Variants in RIMS2 observed in about 807,000 individuals in gnomAD.
The protein encoded by RIMS2 is regulating synaptic membrane exocytosis 2.
Under a neutral mutation model 174.4 loss-of-function variants are expected in RIMS2, and 59 were observed. The observed-to-expected ratio is 0.34, with a 90% confidence interval of 0.27 to 0.42. The LOEUF (loss-of-function observed/expected upper bound fraction) is 0.42, where lower values mean the gene tolerates loss of function less well. Ranked by LOEUF, RIMS2 falls within the 10% of genes least tolerant of loss-of-function variation. The pLI is 1.00. For missense variants in RIMS2, 1,620 were observed against 1,666.3 expected, an observed-to-expected ratio of 0.97 and a Z score of 0.48; for synonymous variants, 606 against 572.5, an observed-to-expected ratio of 1.06 and a Z score of -0.84.
intron 2 of RIMS2, among the ~76,000 whole-genome samples, chr8:103,744,284 T>A (rs2097787247): frequency 6.6e-6 from 1 of 152,096 alleles, no homozygotes; most frequent in Non-Finnish European, 1.5e-5. Context: ...GACCTTGCGA[T>A]CCACCCACCT....
At chr8:103,672,759 ATCCCTTGTCCC>A (rs2096760614) in intron 1 of RIMS2, among the ~76,000 whole-genome samples, 1 of 152,070 alleles carries the variant, frequency 6.6e-6, no homozygotes, top group African/African-American at 2.4e-5. Context: ...ATATCATTCC[ATCCCTTGTCCC>A]TCCCAAATCT....
chr8:103,808,001 C>T (rs1280384086), intron 3 of RIMS2, among the ~76,000 whole-genome samples: 2 of 151,920 alleles, frequency 1.3e-5, no homozygotes, highest in Admixed American at 1.3e-4. Context: ...ATTTGCTTAC[C>T]TTTCACCAAA....
chr8:103,957,809 T>A (rs1204831324), intron 14 of RIMS2, among the ~76,000 whole-genome samples: 21 of 152,160 alleles, frequency 1.4e-4, no homozygotes, highest in Admixed American at 6.5e-4. Context: ...ATAAGCTCAA[T>A]ATCACTAATC....
At chr8:103,602,009 C>A (rs1399532442) in intron 1 of RIMS2, among the ~76,000 whole-genome samples, 1 of 151,938 alleles carries the variant, frequency 6.6e-6, no homozygotes, top group Non-Finnish European at 1.5e-5. Flanking sequence ...TGGTGTCTCA[C>A]TCTTATTGCC....
chr8:103,986,873 C>CA lies in RIMS2; in HGVS notation c.2928-2421dup, dbSNP rs915445971. ...GGGCAAGAAGAGTGAAACTCCGTCTCAAAAAAAAAAACAGTAAAATAAAAT... is the reference window on the plus strand; with the variant it reads ...GGGCAAGAAGAGTGAAACTCCGTCTCAAAAAAAAAAAACAGTAAAATAAAAT... On this transcript the variant is annotated intron_variant, in intron 16 of 23. Coordinates refer to ENST00000504942, the Ensembl canonical transcript of RIMS2. 3.3e-3 allele frequency among the ~76,000 whole-genome samples: 399 copies of CA among 121,538 alleles called. 3 individuals are homozygous for CA. In the East Asian group the frequency reaches 0.047, roughly 14 times the overall value. The allele number at this position is 121,538 out of a possible 152,430, so 79.7% of individuals were successfully genotyped here. A position where few individuals can be genotyped will look rare whatever the true frequency, so the allele number is the denominator to read the frequency against.
chr8:103,850,260 G>A (rs2098990313), intron 3 of RIMS2, among the ~76,000 whole-genome samples: 1 of 151,900 alleles, frequency 6.6e-6, no homozygotes. Flanking sequence ...TCCAAGATTT[G>A]TATCTTGTAG....
chr8:104,141,497 A>G (rs961166125), intron 19 of RIMS2, among the ~76,000 whole-genome samples: 3 of 152,218 alleles, frequency 2.0e-5, no homozygotes, highest in Admixed American at 2.0e-4. Flanking sequence ...ATTTGGAGAC[A>G]TAATACTGAG....
exon 3 of RIMS2, chr8:103,766,252 G>A (rs1432314604): frequency 1.2e-6 from 2 of 1,612,366 alleles, no homozygotes; most frequent in Admixed American, 1.7e-5. Context: ...AATTTGTGCC[G>A]AAAACAACAA....
At chr8:103,796,524 C>T (rs745511308) in intron 3 of RIMS2, among the ~76,000 whole-genome samples, 32 of 152,248 alleles carry the variant, frequency 2.1e-4, no homozygotes, top group Non-Finnish European at 4.1e-4. Context: ...TTTCTTACCT[C>T]ATCTCACACC....
At chr8:103,889,757 A>C (rs2099231272) in intron 4 of RIMS2, among the ~76,000 whole-genome samples, 1 of 151,734 alleles carries the variant, frequency 6.6e-6, no homozygotes, top group Non-Finnish European at 1.5e-5. Context: ...GATGGATTTC[A>C]TTATTTTAAA....
chr8:103,703,544 G>C (rs2097191893), intron 2 of RIMS2, among the ~76,000 whole-genome samples: 1 of 151,994 alleles, frequency 6.6e-6, no homozygotes, highest in Non-Finnish European at 1.5e-5. Context: ...GACTTCATTG[G>C]TATTTTATGT....
At chr8:104,130,349 A>T (rs2132895575) in intron 19 of RIMS2, among the ~76,000 whole-genome samples, 1 of 152,330 alleles carries the variant, frequency 6.6e-6, no homozygotes, top group South Asian at 2.1e-4. Flanking sequence ...CCCAGATTCC[A>T]GCTACAATTT....
chr8:103,861,339 A>G (rs2099057958), intron 3 of RIMS2, among the ~76,000 whole-genome samples: 1 of 152,086 alleles, frequency 6.6e-6, no homozygotes, highest in South Asian at 2.1e-4. Flanking sequence ...ATAATATTCC[A>G]TGTTGTATAT....
At chr8:103,643,143 A>G (rs2096263061) in intron 1 of RIMS2, among the ~76,000 whole-genome samples, 1 of 151,910 alleles carries the variant, frequency 6.6e-6, no homozygotes, top group Non-Finnish European at 1.5e-5. Context: ...TTTTATTGAC[A>G]TATTTTCAAG....
At position 103,562,443 on chromosome 8, in the gene RIMS2, A is replaced by G. The variant is rs150983043; in HGVS notation, c.176+61381A>G. 8.9e-3 allele frequency among the ~76,000 whole-genome samples: 1,363 copies of G among 152,316 alleles called. 12 individuals are homozygous for G. The highest frequency in any genetic ancestry group is 0.027 in the South Asian group (130 of 4,820). On this transcript the variant is annotated intron_variant, in intron 1 of 23. Transcript: ENST00000504942. ...CAGTCATTAAACCTTAAAGTTCCAA[A>G]ACAGTCTCCTCTCCTTTGACACCAT...
chr8:103,956,349 T>A (rs1345119206), intron 14 of RIMS2, among the ~76,000 whole-genome samples: 1 of 152,120 alleles, frequency 6.6e-6, no homozygotes, highest in Non-Finnish European at 1.5e-5. Flanking sequence ...GACTTCAAAC[T>A]ACACTGCAGG....
intron 19 of RIMS2, 88 bp from the exon 26 acceptor site, chr8:104,244,828 T>C: frequency 9.8e-7 from 1 of 1,015,560 alleles, no homozygotes. Flanking sequence ...CACAGTTCTT[T>C]GCATCTGATG....
At chr8:103,799,195 G>A (rs2098584572) in intron 3 of RIMS2, among the ~76,000 whole-genome samples, 1 of 152,096 alleles carries the variant, frequency 6.6e-6, no homozygotes, top group Admixed American at 6.6e-5. Flanking sequence ...GACTCAGCTG[G>A]CATCTTAATT....
intron 2 of RIMS2, among the ~76,000 whole-genome samples, chr8:103,740,290 T>A (rs1397369712): frequency 6.6e-6 from 1 of 152,184 alleles, no homozygotes; most frequent in Non-Finnish European, 1.5e-5. Flanking sequence ...TAAGTGGTGA[T>A]TAAATAGAAT....
Sources: allele counts gnomAD v4.1 joint callset (sites outside exome capture counted in the v4.1 genomes callset), GRCh38; gene constraint gnomAD v4.1.1; transcripts MANE v1.5; gene names NCBI Gene and HGNC (gene_info 2026-07-23, HGNC 2026-07-21).